MYO1D: variants seen among roughly 807,000 people sequenced by gnomAD.
MYO1D encodes myosin ID.
MYO1D carries 83 observed loss-of-function variants against 122.0 expected under a neutral mutation model. The observed-to-expected ratio is 0.68, with a 90% CI of 0.57 to 0.82. MYO1D has a LOEUF of 0.82. MYO1D is among the 40% of genes least tolerant of loss of function. The pLI is 0.00. For synonymous variants in MYO1D, 464 were observed against 446.9 expected, an observed-to-expected ratio of 1.04 and a Z score of -0.48; for missense variants, 1,157 against 1,269.5, an observed-to-expected ratio of 0.91 and a Z score of 1.35.
chr17:32,799,756 G>A (rs1421557279), intron 1 of MYO1D, among the ~76,000 whole-genome samples: 1 of 151,726 alleles, frequency 6.6e-6, no homozygotes, highest in Non-Finnish European at 1.5e-5. Context: ...GGAGTAAAGA[G>A]ACAACCTACA....
intron 17 of MYO1D, among the ~76,000 whole-genome samples, chr17:32,654,961 A>G (rs1305621714): frequency 6.6e-6 from 1 of 152,198 alleles, no homozygotes; most frequent in African/African-American, 2.4e-5. Context: ...TACAGGCATG[A>G]GCCACCACGC....
intron 11 of MYO1D, among the ~76,000 whole-genome samples, chr17:32,754,308 C>T (rs1270913293): frequency 1.3e-5 from 2 of 152,138 alleles, no homozygotes; most frequent in Non-Finnish European, 2.9e-5. Context: ...AGGATTGCAC[C>T]TGGAAGATGA....
At chr17:32,515,928 C>T (rs549784969) in intron 21 of MYO1D, among the ~76,000 whole-genome samples, 6 of 152,150 alleles carry the variant, frequency 3.9e-5, no homozygotes, top group East Asian at 1.9e-4. Flanking sequence ...TGTCTCATTG[C>T]GGTAAAAGAG....
At chr17:32,761,617 A>G (rs2090002700) in intron 8 of MYO1D, among the ~76,000 whole-genome samples, 6 of 152,038 alleles carry the variant, frequency 3.9e-5, no homozygotes, top group Admixed American at 3.9e-4. Context: ...CACCTTCTAA[A>G]TCATCTCACC....
chr17:32,748,691 A>G (rs1177527180), intron 12 of MYO1D, among the ~76,000 whole-genome samples: 1 of 152,194 alleles, frequency 6.6e-6, no homozygotes, highest in Non-Finnish European at 1.5e-5. Context: ...TTCTTACTGA[A>G]CACGAACTAT....
intron 14 of MYO1D, among the ~76,000 whole-genome samples, chr17:32,736,492 TCTCTAA>T (rs974610517): frequency 2.0e-5 from 3 of 152,140 alleles, no homozygotes; most frequent in African/African-American, 7.2e-5. Context: ...AGAACTTGGG[TCTCTAA>T]TAACTTTGGA....
At chr17:32,535,387 A>G (rs17806495) in intron 21 of MYO1D, among the ~76,000 whole-genome samples, 40,302 of 152,218 alleles carry the variant, frequency 0.26, 5,840 homozygotes, top group Admixed American at 0.33. Flanking sequence ...TTAAAAACAC[A>G]CTTTTTGAAA....
chr17:32,499,203 A>C (rs1909229387), intron 21 of MYO1D: 1 of 151,854 alleles, frequency 6.6e-6, no homozygotes, highest in Non-Finnish European at 1.5e-5. Context: ...AAAATAAAAC[A>C]AAAAACATCC....
At chr17:32,787,157 A>G (rs1209198430) in intron 1 of MYO1D, among the ~76,000 whole-genome samples, 1 of 152,206 alleles carries the variant, frequency 6.6e-6, no homozygotes, top group East Asian at 1.9e-4. Flanking sequence ...AAAAATCCAC[A>G]GTAATAAAGG....
At chr17:32,532,961 T>G (rs540056752) in intron 21 of MYO1D, among the ~76,000 whole-genome samples, 438 of 152,300 alleles carry the variant, frequency 2.9e-3, no homozygotes, top group Middle Eastern at 0.01. Context: ...TTGAATTCTG[T>G]CAATAGTTGG....
intron 7 of MYO1D, among the ~76,000 whole-genome samples, chr17:32,767,322 C>T (rs1476739094): frequency 1.3e-5 from 2 of 152,124 alleles, no homozygotes; most frequent in Non-Finnish European, 2.9e-5. Flanking sequence ...GTTTCAAATG[C>T]CACTAGAAAT....
intron 13 of MYO1D, among the ~76,000 whole-genome samples, chr17:32,742,020 A>AG: frequency 6.6e-6 from 1 of 151,672 alleles, no homozygotes; most frequent in East Asian, 1.9e-4. Context: ...GTCTCAAAAA[A>AG]AAAAAAAAAA....
At chr17:32,687,388 A>G (rs769596826) in intron 16 of MYO1D, among the ~76,000 whole-genome samples, 61 of 152,248 alleles carry the variant, frequency 4.0e-4, no homozygotes, top group African/African-American at 1.1e-3. Context: ...CAGTGGAGAC[A>G]GGGTTTCACC....
At chr17:32,784,918 C>T (rs2090277727) in intron 1 of MYO1D, among the ~76,000 whole-genome samples, 2 of 152,088 alleles carry the variant, frequency 1.3e-5, no homozygotes, top group Admixed American at 6.6e-5. Flanking sequence ...TGGAAATGTA[C>T]ATGGGGGTCA....
intron 13 of MYO1D, among the ~76,000 whole-genome samples, chr17:32,742,693 C>T (rs2089786330): frequency 6.6e-6 from 1 of 152,174 alleles, no homozygotes; most frequent in Non-Finnish European, 1.5e-5. Flanking sequence ...TCTGAAAGTC[C>T]CTTTTCCCCA....
intron 21 of MYO1D, among the ~76,000 whole-genome samples, chr17:32,553,089 A>AG (rs1302473257): frequency 2.2e-5 from 3 of 133,950 alleles, no homozygotes; most frequent in African/African-American, 3.3e-5. Flanking sequence ...AAAAAAAAAA[A>AG]ACAAAAAACA....
At chr17:32,801,009 A>G (rs2090456374) in intron 1 of MYO1D, among the ~76,000 whole-genome samples, 1 of 152,228 alleles carries the variant, frequency 6.6e-6, no homozygotes, top group Non-Finnish European at 1.5e-5. Flanking sequence ...CCCCATAAAT[A>G]TAATTATTTG....
chr17:32,748,287 GCAGATCTT>G (rs952106219), intron 12 of MYO1D, among the ~76,000 whole-genome samples: 2 of 152,080 alleles, frequency 1.3e-5, no homozygotes, highest in Admixed American at 1.3e-4. Context: ...CCAACTATTT[GCAGATCTT>G]CATGTACAGG....
At chr17:32,657,462 G>A (rs1373325943) in intron 17 of MYO1D, among the ~76,000 whole-genome samples, 1 of 152,240 alleles carries the variant, frequency 6.6e-6, no homozygotes, top group African/African-American at 2.4e-5. Flanking sequence ...GAGACCATCT[G>A]TAGCCTACAA....
Sources: allele counts gnomAD v4.1 joint callset (sites outside exome capture counted in the v4.1 genomes callset), GRCh38; gene constraint gnomAD v4.1.1; transcripts MANE v1.5; gene names NCBI Gene and HGNC (gene_info 2026-07-23, HGNC 2026-07-21).